The following OPRM1 variants were observed in gnomAD, a reference collection of about 807,000 sequenced individuals.
OPRM1 encodes the protein opioid receptor mu 1, also known as mu-type opioid receptor.
OPRM1 carries 27 observed loss-of-function variants against 31.8 expected under a neutral mutation model. That is an observed-to-expected ratio of 0.85 (90% CI 0.63 to 1.17). OPRM1 has a LOEUF of 1.17. OPRM1 is among the 50% of genes most tolerant of loss of function. OPRM1 has a pLI of 0.00. For missense variants in OPRM1, 536 were observed against 511.1 expected, an observed-to-expected ratio of 1.05 and a Z score of -0.47; for synonymous variants, 196 against 189.9, an observed-to-expected ratio of 1.03 and a Z score of -0.26.
At chr6:154,186,935 A>G (rs1801424102) in intron 3 of OPRM1, among the ~76,000 whole-genome samples, 1 of 151,576 alleles carries the variant, frequency 6.6e-6, no homozygotes, top group Admixed American at 6.6e-5. Context: ...TTCCCCTCCC[A>G]CTTTTGAGTG....
Position 154,168,847 on chromosome 6 carries a change from C to CAAGT in OPRM1, c.1164+77375_1164+77376insAAGT, listed in dbSNP as rs1799646228. Among the ~76,000 whole-genome samples the CAAGT allele has an allele frequency of 7.8e-6, 1 of 128,174 alleles. No individual in the cohort carries two copies. 84.1% of individuals were successfully genotyped at this position (128,174 alleles called of 152,430 possible). On this transcript the variant is annotated intron_variant, in intron 3 of 3. Transcript: ENST00000337049. This position sits in a 1 kb window ranked among gnomAD's most constrained non-coding sequence, Gnocchi z 4.1. ...TCTTGAACTCCTGACTTTGGGTGATCCGCCCACCTTGGCCTCCCAAAGTGC... is the reference window on the plus strand; with the variant it reads ...TCTTGAACTCCTGACTTTGGGTGATCAAGTCGCCCACCTTGGCCTCCCAAAGTGC...
At chr6:154,155,793 A>C (rs1408758394) in intron 3 of OPRM1, 1 of 152,256 alleles carries the variant, frequency 6.6e-6, no homozygotes, top group East Asian at 1.9e-4. Flanking sequence ...AAAAGAAAAA[A>C]AAAAGTATTT....
At chr6:154,031,399 A>G (rs1271299482) in intron 1 of OPRM1, among the ~76,000 whole-genome samples, 1 of 152,174 alleles carries the variant, frequency 6.6e-6, no homozygotes, top group Non-Finnish European at 1.5e-5. Flanking sequence ...TATAACTGCC[A>G]GTCTATAATG....
upstream of OPRM1, among the ~76,000 whole-genome samples, chr6:154,035,640 T>C (rs770891904): frequency 3.9e-5 from 6 of 152,118 alleles, no homozygotes; most frequent in Admixed American, 1.3e-4. Context: ...AGGACTAAGC[T>C]ATTAAAGTAA....
At chr6:154,161,678 G>A (rs1358416694) in intron 3 of OPRM1, among the ~76,000 whole-genome samples, 6 of 152,100 alleles carry the variant, frequency 3.9e-5, no homozygotes, top group Non-Finnish European at 8.8e-5. Context: ...AGGTATTTAC[G>A]GGTAAGTCAT....
chr6:154,168,166 G>A lies in OPRM1; in HGVS notation c.1164+76694G>A. On this transcript the variant is annotated intron_variant, in intron 3 of 3. Transcript: ENST00000337049. The surrounding 1 kb of genome is among the most constrained non-coding windows in gnomAD (Gnocchi z 4.1). Reference sequence around the variant, plus strand: ...AACAATAAACCCAGTGAAAAATCAAGGAGAGAACATTCAATACTGTGGTCC... The same window carrying A: ...AACAATAAACCCAGTGAAAAATCAAAGAGAGAACATTCAATACTGTGGTCC... 1.6e-5 allele frequency: 22 copies of A among 1,383,696 alleles called. No individual in the cohort carries two copies. Among genetic ancestry groups the A allele is most frequent in the Non-Finnish European group, 2.1e-5 (21 of 1,017,608 alleles). 85.7% of individuals were successfully genotyped at this position (1,383,696 alleles called of 1,614,324 possible).
chr6:154,164,550 C>T lies in OPRM1; in HGVS notation c.1164+73078C>T, dbSNP rs187484757. Among the ~76,000 whole-genome samples the T allele has an allele frequency of 5.9e-5, 9 of 152,316 alleles. No homozygotes were observed. The South Asian group carries it at 6.2e-4, about 11-fold the overall frequency. On this transcript the variant is annotated intron_variant, in intron 3 of 3. Transcript: ENST00000337049. Reference sequence around the variant, plus strand: ...GGCTTTGAACTACTTTCACAACATCCGCTCTGCTTTCTGGCAGGCAAGCAA... The same window carrying T: ...GGCTTTGAACTACTTTCACAACATCTGCTCTGCTTTCTGGCAGGCAAGCAA...
intron 1 of OPRM1, among the ~76,000 whole-genome samples, chr6:154,025,378 TC>T (rs1291454639): frequency 6.6e-6 from 1 of 152,044 alleles, no homozygotes; most frequent in East Asian, 1.9e-4. Flanking sequence ...ACATGGAATA[TC>T]TTTTTCTATC....
At chr6:154,102,980 A>C (rs1044369433) in intron 3 of OPRM1, among the ~76,000 whole-genome samples, 15 of 151,856 alleles carry the variant, frequency 9.9e-5, no homozygotes, top group Non-Finnish European at 1.6e-4. Context: ...CAATTCTTCA[A>C]CCCTTATATT....
At position 154,181,839 on chromosome 6, in the gene OPRM1, A is replaced by G. The variant is rs76747775; in HGVS notation, c.1165-64854A>G. On this transcript the variant is annotated intron_variant, in intron 3 of 3. Coordinates refer to the OPRM1 transcript ENST00000337049. ...GACTTGAACTGGACACTTGGGGATC[A>G]TGAACCAGTTGAATCAAAAGCAGAA... is the stretch of plus-strand genomic sequence containing the variant. Among the ~76,000 whole-genome samples, 949 of 152,324 alleles carry G rather than the reference A, an allele frequency of 6.2e-3. 12 individuals are homozygous for G. The highest frequency in any genetic ancestry group is 0.021 in the African/African-American group (865 of 41,568).
chr6:154,134,825 CT>C (rs369548180), downstream of OPRM1, among the ~76,000 whole-genome samples: 471 of 152,026 alleles, frequency 3.1e-3, 3 homozygotes, highest in African/African-American at 0.011. Flanking sequence ...TAAAAAACCA[CT>C]ATTTGAGTCC....
intron 3 of OPRM1, among the ~76,000 whole-genome samples, chr6:154,106,510 A>C (rs1170932343): frequency 2.0e-5 from 3 of 152,340 alleles, no homozygotes; most frequent in Non-Finnish European, 4.4e-5. Flanking sequence ...TTTATGAAGC[A>C]TTTAGGAGTC....
At chr6:154,204,438 T>TG (rs35153565) in intron 3 of OPRM1, among the ~76,000 whole-genome samples, 7,735 of 152,278 alleles carry the variant, frequency 0.051, 329 homozygotes, top group East Asian at 0.2. Context: ...TTCCTTGTAT[T>TG]GGCCATATTA....
intron 3 of OPRM1, chr6:154,154,594 A>G (rs1322457254): frequency 1.3e-5 from 2 of 152,236 alleles, no homozygotes; most frequent in African/African-American, 4.8e-5. Context: ...GTTGTAGACG[A>G]TCAAAACGCA....
At chr6:154,205,464 G>A (rs1471677271) in intron 3 of OPRM1, among the ~76,000 whole-genome samples, 29 of 152,076 alleles carry the variant, frequency 1.9e-4, no homozygotes, top group Admixed American at 1.9e-3. Flanking sequence ...GCGTGGTGGT[G>A]CAAGCCTGTA....
At chr6:154,219,947 C>G (rs1051996418) in intron 3 of OPRM1, among the ~76,000 whole-genome samples, 2 of 150,442 alleles carry the variant, frequency 1.3e-5, no homozygotes, top group African/African-American at 4.9e-5. Context: ...AGATGAGAGT[C>G]CTTCTAGCTG....
intron 3 of OPRM1, among the ~76,000 whole-genome samples, chr6:154,207,197 G>GTGAC (rs1304585584): frequency 6.6e-6 from 1 of 152,212 alleles, no homozygotes; most frequent in African/African-American, 2.4e-5. Context: ...ACCGGGCTGC[G>GTGAC]TGACTGACTG....
At chr6:154,034,961 G>C (rs546525778), upstream of OPRM1, among the ~76,000 whole-genome samples, 2 of 152,154 alleles carry the variant, frequency 1.3e-5, no homozygotes, top group Non-Finnish European at 2.9e-5. Flanking sequence ...GGACGATTCT[G>C]TACAGTTAAA....
At chr6:154,223,370 C>A in intron 3 of OPRM1, 1 of 726,054 alleles carries the variant, frequency 1.4e-6, no homozygotes, top group East Asian at 2.7e-5. Flanking sequence ...TACCAACCAC[C>A]CTGAATCACC....
Sources: allele counts gnomAD v4.1 joint callset (sites outside exome capture counted in the v4.1 genomes callset), GRCh38; gene constraint gnomAD v4.1.1; non-coding constraint Gnocchi (gnomAD v3.1); transcripts MANE v1.5; gene names NCBI Gene and HGNC (gene_info 2026-07-23, HGNC 2026-07-21).